Variants in EEFSEC observed in about 807,000 individuals in gnomAD.
EEFSEC encodes selenocysteine-specific elongation factor.
In EEFSEC, 43 loss-of-function variants were observed where a neutral mutation model predicts 42.1. That is an observed-to-expected ratio of 1.02 (90% CI 0.80 to 1.32). The LOEUF (loss-of-function observed/expected upper bound fraction) is 1.32, where lower values mean the gene tolerates loss of function less well. EEFSEC is among the 40% of genes most tolerant of loss of function. EEFSEC has a pLI of 0.00. For missense variants in EEFSEC, 745 were observed against 803.6 expected (o/e 0.93, Z 0.88); for synonymous variants, 354 against 339.1 (o/e 1.04, Z -0.48).
intron 6 of EEFSEC, among the ~76,000 whole-genome samples, chr3:128,370,338 C>A (rs1476462520): frequency 6.6e-6 from 1 of 152,194 alleles, no homozygotes; most frequent in African/African-American, 2.4e-5. Context: ...AGCCCAGGCC[C>A]AGAGATAGCT....
At position 128,231,412 on chromosome 3, in the gene EEFSEC, G is replaced by GTAACTCT. The variant is rs555129234; in HGVS notation, c.317-15423_317-15417dup. Among the ~76,000 whole-genome samples, 1,060 of 152,288 alleles carry GTAACTCT rather than the reference G, an allele frequency of 7.0e-3. 4 individuals carry two copies. The highest frequency in any genetic ancestry group is 0.012 in the Non-Finnish European group (799 of 68,018). On this transcript the variant is annotated intron_variant, in intron 1 of 6. Coordinates refer to ENST00000254730, the MANE Select transcript of EEFSEC (RefSeq NM_021937.5). ...ATGACACTGAATTGCACAGATCTTT[G>GTAACTCT]TAACTCTGGCTCTCCCGTCTCATGG...
At chr3:128,358,678 G>A (rs137890773) in intron 6 of EEFSEC, among the ~76,000 whole-genome samples, 19 of 152,356 alleles carry the variant, frequency 1.2e-4, no homozygotes, top group African/African-American at 2.4e-4. Context: ...CTGTGGAGGC[G>A]GGAATAAGAT....
chr3:128,322,057 C>A (rs1232867395), intron 4 of EEFSEC, among the ~76,000 whole-genome samples: 1 of 152,234 alleles, frequency 6.6e-6, no homozygotes, highest in African/African-American at 2.4e-5. Context: ...CATCCTGGTA[C>A]TCTAGGGCTA....
At chr3:128,177,869 A>G (rs190022855) in intron 1 of EEFSEC, among the ~76,000 whole-genome samples, 2 of 152,356 alleles carry the variant, frequency 1.3e-5, no homozygotes, top group Admixed American at 1.3e-4. Context: ...AGAGTATCAG[A>G]CAGGAGATGA....
chr3:128,239,829 A>G (rs974998156), intron 1 of EEFSEC, among the ~76,000 whole-genome samples: 29 of 152,226 alleles, frequency 1.9e-4, no homozygotes, highest in Non-Finnish European at 2.8e-4. Context: ...GAAAATGGTG[A>G]TAACAAGGAC....
intron 1 of EEFSEC, among the ~76,000 whole-genome samples, chr3:128,246,248 A>G (rs1048351014): frequency 2.8e-4 from 42 of 152,078 alleles, no homozygotes; most frequent in African/African-American, 9.2e-4. Flanking sequence ...ACACACACAC[A>G]CACGCACACA....
chr3:128,421,605 G>A, the EEFSEC span, among the ~76,000 whole-genome samples: 9 of 152,186 alleles, frequency 5.9e-5, no homozygotes, highest in Non-Finnish European at 1.0e-4. Context: ...CTCTTGTGCC[G>A]ACTTTTCCCG....
chr3:128,163,942 A>AG (rs2065218569), intron 1 of EEFSEC, among the ~76,000 whole-genome samples: 1 of 147,182 alleles, frequency 6.8e-6, no homozygotes, highest in Non-Finnish European at 1.5e-5. Context: ...TTTTGTGAAA[A>AG]AAAAAAAAAA....
chr3:128,389,725 T>C (rs1287836263), intron 6 of EEFSEC, among the ~76,000 whole-genome samples: 1 of 152,258 alleles, frequency 6.6e-6, no homozygotes, highest in African/African-American at 2.4e-5. Context: ...ATGCTTGACC[T>C]TGGGAAAGGG....
intron 1 of EEFSEC, among the ~76,000 whole-genome samples, chr3:128,156,599 T>C (rs1467210358): frequency 1.3e-5 from 2 of 152,260 alleles, no homozygotes; most frequent in African/African-American, 4.8e-5. Flanking sequence ...ATTTCAAACT[T>C]TTCATCAAAT....
At chr3:128,390,731 C>T (rs1306841494) in intron 6 of EEFSEC, among the ~76,000 whole-genome samples, 1 of 152,166 alleles carries the variant, frequency 6.6e-6, no homozygotes, top group Non-Finnish European at 1.5e-5. Flanking sequence ...AGACCCAGCC[C>T]CTCTGCAGAT....
At chr3:128,352,889 C>T (rs569054898) in intron 5 of EEFSEC, among the ~76,000 whole-genome samples, 8 of 152,356 alleles carry the variant, frequency 5.3e-5, no homozygotes, top group African/African-American at 1.9e-4. Context: ...ACTTGGGATT[C>T]GAATGCAGGT....
intron 6 of EEFSEC, among the ~76,000 whole-genome samples, chr3:128,360,117 A>G (rs2067506040): frequency 6.6e-6 from 1 of 152,180 alleles, no homozygotes. Flanking sequence ...CAGCCATGGG[A>G]GGCCTCCAGC....
At chr3:128,393,565 G>A (rs977907220) in intron 6 of EEFSEC, among the ~76,000 whole-genome samples, 3 of 152,316 alleles carry the variant, frequency 2.0e-5, no homozygotes, top group Admixed American at 6.5e-5. Context: ...GCATATCCCA[G>A]GTGTAAAACA....
chr3:128,317,756 C>G lies in EEFSEC; in HGVS notation c.787-23477C>G, dbSNP rs111383708. On this transcript the variant is annotated intron_variant, in intron 4 of 6. Transcript: ENST00000254730. This position sits in a 1 kb window ranked among gnomAD's most constrained non-coding sequence, Gnocchi z 4.1. ...TACCATTCTCTCGCCGGCTGCTGAC[C>G]AGTTGGGCCCTCTGCAGGCCTCAGG... 6.6e-6 allele frequency among the ~76,000 whole-genome samples: 1 copy of G among 152,260 alleles called. No individual in the cohort carries two copies. The highest frequency in any genetic ancestry group is 1.5e-5 in the Non-Finnish European group (1 of 68,042).
chr3:128,397,586 G>C (rs892681599), intron 6 of EEFSEC, among the ~76,000 whole-genome samples: 9 of 152,210 alleles, frequency 5.9e-5, no homozygotes, highest in Non-Finnish European at 1.2e-4. Context: ...CAGGGCTGCA[G>C]TCCAGTGTCC....
intron 1 of EEFSEC, among the ~76,000 whole-genome samples, chr3:128,242,560 C>T (rs1467116982): frequency 6.6e-6 from 1 of 151,892 alleles, no homozygotes; most frequent in Admixed American, 6.5e-5. Flanking sequence ...TTAAGTTTCT[C>T]CAGCTGAAAT....
At chr3:128,177,353 T>C (rs1211615894) in intron 1 of EEFSEC, among the ~76,000 whole-genome samples, 1 of 152,114 alleles carries the variant, frequency 6.6e-6, no homozygotes, top group East Asian at 1.9e-4. Flanking sequence ...TTTTAAAGAC[T>C]TGTTGGGGGT....
intron 6 of EEFSEC, among the ~76,000 whole-genome samples, chr3:128,402,922 C>T (rs2068064850): frequency 1.3e-5 from 2 of 152,202 alleles, no homozygotes; most frequent in Non-Finnish European, 2.9e-5. Context: ...ATAGACAAAA[C>T]TCCCTGCTAG....
Sources: gnomAD v4.1 joint callset for allele counts (sites outside exome capture counted in the v4.1 genomes callset) on GRCh38, gnomAD v4.1.1 for gene constraint, Gnocchi (gnomAD v3.1) non-coding constraint, MANE v1.5 for transcripts, NCBI Gene and HGNC (gene_info 2026-07-23, HGNC 2026-07-21) for gene names.